SHISA8: variants seen among roughly 807,000 people sequenced by gnomAD.
SHISA8 encodes the protein protein shisa-8.
In SHISA8, 21 loss-of-function variants were observed where a neutral mutation model predicts 21.1. The ratio of observed to expected loss-of-function variants is 0.99; its 90% CI spans 0.71 to 1.43. SHISA8 has a LOEUF of 1.43. Among genes scored for constraint, SHISA8 ranks in the 40% most tolerant of loss-of-function variants. The probability of loss-of-function intolerance (pLI) is 0.00; values close to 1 mark genes in which losing one functional copy is unlikely to be tolerated. For synonymous variants in SHISA8, 300 were observed against 291.4 expected (o/e 1.03, Z -0.30); for missense variants, 535 against 599.1 (o/e 0.89, Z 1.12).
chr22:41,911,240 G>A lies in SHISA8; in HGVS notation c.640C>T (p.Arg214Trp), dbSNP rs2077551484. 7.8e-7 allele frequency: 1 copy of A among 1,283,518 alleles called. No individual in the cohort carries two copies. The highest frequency in any genetic ancestry group is 9.8e-7 in the Non-Finnish European group (1 of 1,015,560). 79.5% of individuals were successfully genotyped at this position (1,283,518 alleles called of 1,614,324 possible). ...VQVQMGDGLP[R>W]GSPHNSADKK... ...CCTGCGCTGTTGTGGGGGGAGCCCC[G>A]GGGGAGGCCGTCCCCCATCTGCACC... The change falls in exon 2 of 4, where the codon CGG becomes TGG. Residue 214 changes from arginine (R) to tryptophan (W), a missense_variant. Coordinates refer to ENST00000621082, the MANE Select transcript of SHISA8 (RefSeq NM_001207020.3).
chr22:41,913,351 C>A (rs1397038147), intron 1 of SHISA8, among the ~76,000 whole-genome samples: 1 of 152,248 alleles, frequency 6.6e-6, no homozygotes, highest in Admixed American at 6.5e-5. Context: ...GAGGAGGGCA[C>A]AGGCCCCAGG....
Position 41,914,269 on chromosome 22 carries a change from G to A in SHISA8, c.399C>T (p.Pro133=), listed in dbSNP as rs899778579. The change falls in exon 1 of 4, where the codon CCC becomes CCT. Residue 133 remains proline, a synonymous_variant. Transcript: ENST00000621082. This position sits in a 1 kb window ranked among gnomAD's most constrained non-coding sequence, Gnocchi z 6.8. ...CGGCCGTATGGCTGCGCTCGCGGCC[G>A]GGGTCCCGGGGCGCTGCGGTGTCGC... ...RARDTAAPRD[P]GRERSHTAVY... is the part of the protein sequence containing the mutation. The A allele has an allele frequency of 7.8e-7, 1 of 1,281,860 alleles. No homozygotes were observed. The highest frequency in any genetic ancestry group is 2.7e-5 in the South Asian group (1 of 37,702). The allele number at this position is 1,281,860 out of a possible 1,614,324, so 79.4% of individuals were successfully genotyped here. A position where few individuals can be genotyped will look rare whatever the true frequency, so the allele number is the denominator to read the frequency against.
chr22:41,911,424 AC>A, intron 1 of SHISA8, 75 bp from the exon 2 acceptor site: 1 of 1,230,300 alleles, frequency 8.1e-7, no homozygotes, highest in Non-Finnish European at 1.0e-6. Flanking sequence ...CCACCGTCTC[AC>A]CGTGTGGCCC....
chr22:41,909,880 T>A lies in SHISA8; in HGVS notation c.1079A>T (p.Gln360Leu), dbSNP rs1353272839. 6.5e-7 allele frequency: 1 copy of A among 1,529,304 alleles called. No individual in the cohort carries two copies. The allele number at this position is 1,529,304 out of a possible 1,614,324, so 94.7% of individuals were successfully genotyped here. ...PRRPGHAARR[Q>L]FSVKMPETFN... The stretch of plus-strand genomic sequence containing the variant: ...GGTCTCAGGCATCTTCACACTGAAC[T>A]GGCGCCGGGCCGCGTGCCCGGGTCG... Residue 360 changes from glutamine (Q) to leucine (L), a missense_variant, in exon 4 of 4, where the codon CAG becomes CTG. By Grantham distance (113) the Gln-to-Leu change is moderately radical (BLOSUM62 -2). Coordinates refer to ENST00000621082, the MANE Select transcript of SHISA8 (RefSeq NM_001207020.3).
At position 41,910,438 on chromosome 22, in the gene SHISA8, T is replaced by C. The variant is rs1602362383; in HGVS notation, c.781A>G (p.Thr261Ala). 8.1e-6 allele frequency: 11 copies of C among 1,354,276 alleles called. No individual in the cohort carries two copies. The highest frequency in any genetic ancestry group is 1.0e-5 in the Non-Finnish European group (11 of 1,054,116). 83.9% of individuals were successfully genotyped at this position (1,354,276 alleles called of 1,614,324 possible). The change falls in exon 3 of 4, where the codon ACG becomes GCG. Residue 261 changes from threonine (T) to alanine (A), a missense_variant. Transcript: ENST00000621082. The surrounding 1 kb of genome is among the most constrained non-coding windows in gnomAD (Gnocchi z 6.8). Reference sequence around the variant, plus strand: ...GCCTTGAGCGCGGCGGCCTTGAACGTGGCGTACTTGGCGTAGTCTGGCTGC... The same window carrying C: ...GCCTTGAGCGCGGCGGCCTTGAACGCGGCGTACTTGGCGTAGTCTGGCTGC... The part of the protein sequence containing the change: ...TLQPDYAKYA[T>A]FKAAALKAAE...
intron 1 of SHISA8, 141 bp downstream of exon 1, chr22:41,913,993 GGGGC>G: frequency 1.2e-6 from 1 of 836,624 alleles, no homozygotes; most frequent in Non-Finnish European, 1.6e-6. Context: ...AAGTGTTGGG[GGGGC>G]GGCGGGGGGA....
At position 41,909,611 on chromosome 22, in the gene SHISA8, A is replaced by C; in HGVS notation, c.*154T>G. ...AACCACATAAAAGGGCTTATTTACA[A>C]GACGAACCCGCGGCCTGCAGGCTCC... On this transcript the variant is annotated 3_prime_UTR_variant, in exon 4 of 4. Transcript: ENST00000621082. 9.3e-7 allele frequency: 1 copy of C among 1,075,004 alleles called. No homozygotes were observed. Among genetic ancestry groups the C allele is most frequent in the South Asian group, 2.8e-5 (1 of 35,226 alleles). 66.6% of individuals were successfully genotyped at this position (1,075,004 alleles called of 1,614,324 possible).
chr22:41,910,528 G>A lies in SHISA8; in HGVS notation c.691C>T (p.Arg231Trp), dbSNP rs1374042229. ...ADKKRLNNAP[R>W]GSAAPGPPRG... is the part of the protein sequence containing the mutation. ...GGGGGCCCCGGGGCGGCCGACCCCC[G>A]GGGCGCGTTGTTGAGGCGCTTCTTG... Residue 231 changes from arginine to tryptophan, a missense_variant, in exon 3 of 4, where the codon CGG becomes TGG. Transcript: ENST00000621082. This position sits in a 1 kb window ranked among gnomAD's most constrained non-coding sequence, Gnocchi z 6.8. The A allele has an allele frequency of 1.5e-5, 18 of 1,240,212 alleles. No homozygotes were observed. The highest frequency in any genetic ancestry group is 1.7e-5 in the Non-Finnish European group (17 of 995,142). 76.8% of individuals were successfully genotyped at this position (1,240,212 alleles called of 1,614,324 possible). A position where few individuals can be genotyped will look rare whatever the true frequency, so the allele number is the denominator to read the frequency against.
chr22:41,909,807 G>A lies in SHISA8; in HGVS notation c.1152C>T (p.Ser384=). ...TCTTGCTATTGGTCCTTAGGTACCG[G>A]GACCCGCGGCCCGCGCTGCCGTAAA... ...PGLYGSAGRG[S]RYLRTNSKTE... Residue 384 remains serine, a synonymous_variant, in exon 4 of 4, where the codon TCC becomes TCT. Coordinates refer to ENST00000621082, the MANE Select transcript of SHISA8 (RefSeq NM_001207020.3). The A allele has an allele frequency of 2.0e-6, 3 of 1,516,032 alleles. No homozygotes were observed. The highest frequency in any genetic ancestry group is 2.6e-6 in the Non-Finnish European group (3 of 1,137,830). 93.9% of individuals were successfully genotyped at this position (1,516,032 alleles called of 1,614,324 possible).
In SHISA8 at chr22:41,910,885, G is replaced by A. The variant is rs894616325; in HGVS notation, c.664+331C>T. ...GATGTCTGAGGAACAGAACCCAGAC[G>A]GGGCGTGGGGGCTGCCAAGCCTGCC... On this transcript the variant is annotated intron_variant, in intron 2 of 3. Transcript: ENST00000621082. The surrounding 1 kb of genome is among the most constrained non-coding windows in gnomAD (Gnocchi z 6.8). Among the ~76,000 whole-genome samples the A allele has an allele frequency of 1.1e-4, 16 of 152,050 alleles. No individual in the cohort carries two copies. The highest frequency in any genetic ancestry group is 1.9e-4 in the Non-Finnish European group (13 of 67,988).
rs1183486808 is a variant in SHISA8, at chr22:41,914,726, G to A, written c.-59C>T. ...ATGGCCGGGCGCCGCGGCTCCCTCC[G>A]GCTCGGCTCCTCCGCTCCCGCAGGG... is the stretch of plus-strand genomic sequence containing the variant. On this transcript the variant is annotated 5_prime_UTR_variant, in exon 1 of 4. Transcript: ENST00000621082. This position sits in a 1 kb window ranked among gnomAD's most constrained non-coding sequence, Gnocchi z 6.8. The A allele has an allele frequency of 3.0e-6, 3 of 996,414 alleles. No homozygotes were observed. The highest frequency in any genetic ancestry group is 9.8e-5 in the East Asian group (1 of 10,216). The allele number at this position is 996,414 out of a possible 1,614,324, so 61.7% of individuals were successfully genotyped here.
chr22:41,911,466 C>T, intron 1 of SHISA8, 117 bp from the exon 2 acceptor site: 1 of 1,102,134 alleles, frequency 9.1e-7, no homozygotes. Context: ...TCCAGGCCGT[C>T]CTCTCCGGTG....
chr22:41,911,220 G>A lies in SHISA8; in HGVS notation c.660C>T (p.Ser220=). Residue 220 remains serine (S), a synonymous_variant, in exon 2 of 4, where the codon AGC becomes AGT. Transcript: ENST00000621082. The part of the protein sequence containing the change: ...DGLPRGSPHN[S]ADKKRLNNAP... ...CCCCGCCCGCCACCGACTCACCTGC[G>A]CTGTTGTGGGGGGAGCCCCGGGGGA... 7.8e-7 allele frequency: 1 copy of A among 1,281,554 alleles called. No individual in the cohort carries two copies. Among genetic ancestry groups the A allele is most frequent in the South Asian group, 2.7e-5 (1 of 36,848 alleles). 79.4% of individuals were successfully genotyped at this position (1,281,554 alleles called of 1,614,324 possible). A position where few individuals can be genotyped will look rare whatever the true frequency, so the allele number is the denominator to read the frequency against.
At position 41,914,661 on chromosome 22, in the gene SHISA8, G is replaced by A. The variant is rs2077575638; in HGVS notation, c.7C>T (p.Arg3Trp). 12 of 1,017,520 alleles carry A rather than the reference G, an allele frequency of 1.2e-5. No individual in the cohort carries two copies. Among genetic ancestry groups the A allele is most frequent in the Non-Finnish European group, 1.4e-5 (12 of 852,980 alleles). The allele number at this position is 1,017,520 out of a possible 1,614,324, so 63.0% of individuals were successfully genotyped here. The part of the protein sequence containing the change: MA[R>W]AGARGLLGGR... ...CCGAGCAGTCCCCGCGCCCCGGCCCGCGCCATCGGGCCCGCGCCTCCCGCT... is the reference window on the plus strand; with the variant it reads ...CCGAGCAGTCCCCGCGCCCCGGCCCACGCCATCGGGCCCGCGCCTCCCGCT... Residue 3 changes from arginine (R) to tryptophan (W), a missense_variant, in exon 1 of 4, where the codon CGG becomes TGG. By Grantham distance (101) the Arg-to-Trp change is moderately radical. Transcript: ENST00000621082. This position sits in a 1 kb window ranked among gnomAD's most constrained non-coding sequence, Gnocchi z 6.8.
chr22:41,913,581 G>T (rs189850168), intron 1 of SHISA8, among the ~76,000 whole-genome samples: 2 of 152,356 alleles, frequency 1.3e-5, no homozygotes, highest in African/African-American at 4.8e-5. Flanking sequence ...CGCAGAGGGA[G>T]CCCTGACCTT....
chr22:41,911,196 C>G lies in SHISA8; in HGVS notation c.664+20G>C. ...TCCGCGTGCTCCGCCGCCGCTCAGC[C>G]CCGCCCGCCACCGACTCACCTGCGC... On this transcript the variant is annotated intron_variant, in intron 2 of 3. Coordinates refer to ENST00000621082, the MANE Select transcript of SHISA8 (RefSeq NM_001207020.3). 1 of 1,268,222 alleles carries G rather than the reference C, an allele frequency of 7.9e-7. No individual in the cohort carries two copies. Among genetic ancestry groups the G allele is most frequent in the Non-Finnish European group, 9.9e-7 (1 of 1,009,230 alleles). The allele number at this position is 1,268,222 out of a possible 1,614,324, so 78.6% of individuals were successfully genotyped here.
Position 41,910,403 on chromosome 22 carries a change from C to T in SHISA8, c.811+5G>A. On this transcript the variant is annotated splice_donor_5th_base_variant and intron_variant, in intron 3 of 3. Transcript: ENST00000621082. The surrounding 1 kb of genome is among the most constrained non-coding windows in gnomAD (Gnocchi z 6.8). ...GCCCTGACGCTGCCCGCACCCGCCA[C>T]TCACCTGCGGCCTTGAGCGCGGCGG... The T allele has an allele frequency of 7.5e-7, 1 of 1,329,962 alleles. No individual in the cohort carries two copies. 82.4% of individuals were successfully genotyped at this position (1,329,962 alleles called of 1,614,324 possible).
Position 41,914,437 on chromosome 22 carries a change from G to GC in SHISA8, c.230dup (p.Ser77ArgfsTer291), listed in dbSNP as rs2077572064. On this transcript the variant is annotated frameshift_variant, in exon 1 of 4. Coordinates refer to ENST00000621082, the MANE Select transcript of SHISA8 (RefSeq NM_001207020.3). LOFTEE classifies it high-confidence loss of function. This position sits in a 1 kb window ranked among gnomAD's most constrained non-coding sequence, Gnocchi z 6.8. ...CGCAGCAGAAGCTGTAGGCTCCGGA[G>GC]CTGCAGTTGAAGGGCGGGTCCCACT... 7.4e-7 allele frequency: 1 copy of GC among 1,359,882 alleles called. No individual in the cohort carries two copies. Among genetic ancestry groups the GC allele is most frequent in the Non-Finnish European group, 9.5e-7 (1 of 1,052,892 alleles). The allele number at this position is 1,359,882 out of a possible 1,614,324, so 84.2% of individuals were successfully genotyped here.
At position 41,914,317 on chromosome 22, in the gene SHISA8, T is replaced by C; in HGVS notation, c.351A>G (p.Thr117=). ...SNYDTPAWVQ[T]GRPPARARDT... ...CGCGGGCGCGGGCGGGCGGCCGGCC[T>C]GTCTGGACCCAGGCCGGCGTGTCGT... The change falls in exon 1 of 4, where the codon ACA becomes ACG. Residue 117 remains threonine (T), a synonymous_variant. Coordinates refer to ENST00000621082, the MANE Select transcript of SHISA8 (RefSeq NM_001207020.3). The surrounding 1 kb of genome is among the most constrained non-coding windows in gnomAD (Gnocchi z 6.8). 3.4e-6 allele frequency: 4 copies of C among 1,190,122 alleles called. No individual in the cohort carries two copies. The highest frequency in any genetic ancestry group is 4.2e-6 in the Non-Finnish European group (4 of 959,440). The allele number at this position is 1,190,122 out of a possible 1,614,324, so 73.7% of individuals were successfully genotyped here.
Sources: gnomAD v4.1 joint callset for allele counts (sites outside exome capture counted in the v4.1 genomes callset) on GRCh38, gnomAD v4.1.1 for gene constraint, Gnocchi (gnomAD v3.1) non-coding constraint, MANE v1.5 for transcripts, NCBI Gene and HGNC (gene_info 2026-07-23, HGNC 2026-07-21) for gene names.